The following ALDOC variants were observed in gnomAD, a reference collection of about 807,000 sequenced individuals.
ALDOC encodes fructose-bisphosphate aldolase C.
ALDOC carries 23 observed loss-of-function variants against 39.5 expected under a neutral mutation model. The ratio of observed to expected loss-of-function variants is 0.58; its 90% CI spans 0.42 to 0.82. The LOEUF is 0.82. Among genes scored for constraint, ALDOC ranks in the 40% least tolerant of loss-of-function variants. The probability of loss-of-function intolerance (pLI) is 0.00; values close to 1 mark genes in which losing one functional copy is unlikely to be tolerated. For synonymous variants in ALDOC, 160 were observed against 182.6 expected (o/e 0.88, Z 1.00); for missense variants, 356 against 479.1 (o/e 0.74, Z 2.40).
Position 28,575,059 on chromosome 17 carries a change from AC to A in ALDOC, c.325-54del. ...GAATCCAGGCAGGATTCTCCTTGCTACCCCTCCTACACAAGCTTATTTTCAC... is the reference window on the plus strand; with the variant it reads ...GAATCCAGGCAGGATTCTCCTTGCTACCCTCCTACACAAGCTTATTTTCAC... On this transcript the variant is annotated intron_variant, in intron 3 of 8. Transcript: ENST00000226253. The surrounding 1 kb of genome is among the most constrained non-coding windows in gnomAD (Gnocchi z 4.3). 1 of 1,613,904 alleles carries A rather than the reference AC, an allele frequency of 6.2e-7. No homozygotes were observed. The highest frequency in any genetic ancestry group is 1.1e-5 in the South Asian group (1 of 91,056).
chr17:28,575,674 G>A lies in ALDOC; in HGVS notation c.-12-130C>T. The A allele has an allele frequency of 8.9e-7, 1 of 1,117,902 alleles. No homozygotes were observed. The highest frequency in any genetic ancestry group is 1.2e-6 in the Non-Finnish European group (1 of 807,364). The allele number at this position is 1,117,902 out of a possible 1,614,324, so 69.2% of individuals were successfully genotyped here. A position where few individuals can be genotyped will look rare whatever the true frequency, so the allele number is the denominator to read the frequency against. The stretch of plus-strand genomic sequence containing the variant: ...CAGCAGTCCTTGGCATGAGTCCTGG[G>A]CATCAAGTGGCACCAGTCCTTCTGA... On this transcript the variant is annotated intron_variant, in intron 1 of 8. Coordinates refer to ENST00000226253, the MANE Select transcript of ALDOC (RefSeq NM_005165.3). This position sits in a 1 kb window ranked among gnomAD's most constrained non-coding sequence, Gnocchi z 4.3.
At position 28,573,367 on chromosome 17, in the gene ALDOC, G is replaced by A; in HGVS notation, c.*159C>T. The A allele has an allele frequency of 2.9e-6, 2 of 695,960 alleles. No homozygotes were observed. The highest frequency in any genetic ancestry group is 2.6e-5 in the East Asian group (1 of 38,808). 43.1% of individuals were successfully genotyped at this position (695,960 alleles called of 1,614,324 possible). On this transcript the variant is annotated 3_prime_UTR_variant, in exon 9 of 9. Coordinates refer to ENST00000226253, the MANE Select transcript of ALDOC (RefSeq NM_005165.3). The surrounding 1 kb of genome is among the most constrained non-coding windows in gnomAD (Gnocchi z 4.3). ...CCTATCCTCCCATCCTATGGTCCCA[G>A]GTGCAGCAATGAGAGAGGGGAAGGG...
intron 7 of ALDOC, 52 bp downstream of exon 7, chr17:28,574,015 G>A (rs376126698): frequency 1.2e-6 from 2 of 1,603,736 alleles, no homozygotes; most frequent in Non-Finnish European, 8.5e-7. Flanking sequence ...CCACAAGAAG[G>A]ACCTGAAGAT....
rs769124297 is a variant in ALDOC, at chr17:28,573,544, A to T, written c.1077T>A (p.Ile359=). The part of the protein sequence containing the change: ...DGGAAAQSLY[I]ANHAY ...TGGATACTCAGTAGGCATGGTTGGC[A>T]ATGTAGAGTGACTGTGCTGCTGCTC... is the stretch of plus-strand genomic sequence containing the variant. The change falls in exon 9 of 9, where the codon ATT becomes ATA. Residue 359 remains isoleucine (I), a synonymous_variant. Transcript: ENST00000226253. This position sits in a 1 kb window ranked among gnomAD's most constrained non-coding sequence, Gnocchi z 4.3. 1 of 1,614,162 alleles carries T rather than the reference A, an allele frequency of 6.2e-7. No homozygotes were observed. Among genetic ancestry groups the T allele is most frequent in the Non-Finnish European group, 8.5e-7 (1 of 1,179,996 alleles).
intron 1 of ALDOC, chr17:28,576,248 C>T (rs563045398): frequency 6.5e-6 from 1 of 152,750 alleles, no homozygotes; most frequent in African/African-American, 2.4e-5. Context: ...GTGACACCTC[C>T]GGGTCATCTC....
chr17:28,573,465 T>C lies in ALDOC; in HGVS notation c.*61A>G. 2 of 1,527,650 alleles carry C rather than the reference T, an allele frequency of 1.3e-6. No individual in the cohort carries two copies. Among genetic ancestry groups the C allele is most frequent in the Non-Finnish European group, 1.8e-6 (2 of 1,101,566 alleles). The allele number at this position is 1,527,650 out of a possible 1,614,324, so 94.6% of individuals were successfully genotyped here. On this transcript the variant is annotated 3_prime_UTR_variant, in exon 9 of 9. Transcript: ENST00000226253. The surrounding 1 kb of genome is among the most constrained non-coding windows in gnomAD (Gnocchi z 4.3). Reference sequence around the variant, plus strand: ...CTGCATAGCTATTTGGCCCTGGCCATGACTACAAGCAAAAGTGGGTGCAGA... The same window carrying C: ...CTGCATAGCTATTTGGCCCTGGCCACGACTACAAGCAAAAGTGGGTGCAGA...
At chr17:28,576,391 A>T (rs1233890158) in intron 1 of ALDOC, 2 of 152,682 alleles carry the variant, frequency 1.3e-5, no homozygotes, top group African/African-American at 4.8e-5. Context: ...TGAGAGAGAG[A>T]TGAGACTGAG....
chr17:28,574,648 C>A, intron 5 of ALDOC, 48 bp downstream of exon 5: 1 of 1,613,812 alleles, frequency 6.2e-7, no homozygotes, highest in Non-Finnish European at 8.5e-7. Flanking sequence ...ACTCTCTCCC[C>A]ACCAGGCATA....
intron 1 of ALDOC, 91 bp downstream of exon 1, chr17:28,576,710 G>A (rs997617778): frequency 1.6e-5 from 13 of 837,728 alleles, no homozygotes; most frequent in Non-Finnish European, 1.7e-5. Context: ...GGCACATCCC[G>A]GAGTCCCAGG....
chr17:28,575,462 A>G lies in ALDOC; in HGVS notation c.71T>C (p.Val24Ala), dbSNP rs2070477333. Reference sequence around the variant, plus strand: ...AGCCAGAATGCCTTTGCCCGGGGCTACAATCCGCAGGGCAATGTCAGACAA... The same window carrying G: ...AGCCAGAATGCCTTTGCCCGGGGCTGCAATCCGCAGGGCAATGTCAGACAA... ...KELSDIALRI[V>A]APGKGILAAD... Residue 24 changes from valine to alanine, a missense_variant, in exon 2 of 9, where the codon GTA becomes GCA. Transcript: ENST00000226253. This position sits in a 1 kb window ranked among gnomAD's most constrained non-coding sequence, Gnocchi z 4.3. 1 of 1,614,260 alleles carries G rather than the reference A, an allele frequency of 6.2e-7. No individual in the cohort carries two copies. The highest frequency in any genetic ancestry group is 8.5e-7 in the Non-Finnish European group (1 of 1,180,050).
In ALDOC at chr17:28,575,393, C is replaced by T. The variant is rs772022247; in HGVS notation, c.112+28G>A. ...CCCCAGGGTCCCCTAGCCACCTGTA[C>T]CCTACCTGGCTACAGATGTCCACTT... On this transcript the variant is annotated intron_variant, in intron 2 of 8. Coordinates refer to ENST00000226253, the MANE Select transcript of ALDOC (RefSeq NM_005165.3). This position sits in a 1 kb window ranked among gnomAD's most constrained non-coding sequence, Gnocchi z 4.3. 7 of 1,614,204 alleles carry T rather than the reference C, an allele frequency of 4.3e-6. No homozygotes were observed. The highest frequency in any genetic ancestry group is 5.9e-6 in the Non-Finnish European group (7 of 1,180,036).
In ALDOC at chr17:28,573,741, C is replaced by G; in HGVS notation, c.993G>C (p.Arg331=). The change falls in exon 8 of 9, where the codon CGG becomes CGC. Residue 331 remains arginine (R), a synonymous_variant. Transcript: ENST00000226253. This position sits in a 1 kb window ranked among gnomAD's most constrained non-coding sequence, Gnocchi z 4.3. ...ACCACCTGTAGCTCCCAACCTCAGC[C>G]CGCTTGATGAACTCCTCAGTGGCAG... ...AGAATEEFIK[R]AEVNGLAAQG... is the part of the protein sequence containing the mutation. 1 of 1,614,184 alleles carries G rather than the reference C, an allele frequency of 6.2e-7. No homozygotes were observed. Among genetic ancestry groups the G allele is most frequent in the Non-Finnish European group, 8.5e-7 (1 of 1,180,040 alleles).
In ALDOC at chr17:28,575,740, T is replaced by G; in HGVS notation, c.-12-196A>C. ...GGGCTCCAGTTCCCACATCTCCTTT[T>G]GTCCCTGGTAGGCATCCTTCCCAGC... On this transcript the variant is annotated intron_variant, in intron 1 of 8. Coordinates refer to ENST00000226253, the MANE Select transcript of ALDOC (RefSeq NM_005165.3). This position sits in a 1 kb window ranked among gnomAD's most constrained non-coding sequence, Gnocchi z 4.3. 2 of 739,182 alleles carry G rather than the reference T, an allele frequency of 2.7e-6. No homozygotes were observed. Among genetic ancestry groups the G allele is most frequent in the East Asian group, 3.0e-5 (1 of 33,370 alleles). 45.8% of individuals were successfully genotyped at this position (739,182 alleles called of 1,614,324 possible). A position where few individuals can be genotyped will look rare whatever the true frequency, so the allele number is the denominator to read the frequency against.
rs374582655 is a variant in ALDOC at position 28,575,408 on chromosome 17, G to T, written c.112+13C>A. 3.7e-6 allele frequency: 6 copies of T among 1,614,240 alleles called. No homozygotes were observed. Among genetic ancestry groups the T allele is most frequent in the South Asian group, 3.3e-5 (3 of 91,088 alleles). ...GCCACCTGTACCCTACCTGGCTACAGATGTCCACTTACCTACAGACTCATC... is the reference window on the plus strand; with the variant it reads ...GCCACCTGTACCCTACCTGGCTACATATGTCCACTTACCTACAGACTCATC... On this transcript the variant is annotated intron_variant, in intron 2 of 8. Coordinates refer to ENST00000226253, the MANE Select transcript of ALDOC (RefSeq NM_005165.3). The surrounding 1 kb of genome is among the most constrained non-coding windows in gnomAD (Gnocchi z 4.3).
Position 28,575,785 on chromosome 17 carries a change from TG to T in ALDOC, c.-12-242del. Reference sequence around the variant, plus strand: ...CCCAGCCCTGGGGAAAGATGCAGGGTGGGGGTGGGGAGGTGAGCAGCCCTGA... The same window carrying T: ...CCCAGCCCTGGGGAAAGATGCAGGGTGGGGTGGGGAGGTGAGCAGCCCTGA... On this transcript the variant is annotated intron_variant, in intron 1 of 8. Coordinates refer to ENST00000226253, the MANE Select transcript of ALDOC (RefSeq NM_005165.3). The surrounding 1 kb of genome is among the most constrained non-coding windows in gnomAD (Gnocchi z 4.3). The T allele has an allele frequency of 1.7e-6, 1 of 590,644 alleles. No homozygotes were observed. The highest frequency in any genetic ancestry group is 2.8e-6 in the Non-Finnish European group (1 of 363,404). 36.6% of individuals were successfully genotyped at this position (590,644 alleles called of 1,614,324 possible).
At chr17:28,574,399 A>ATC in intron 6 of ALDOC, 95 bp downstream of exon 6, 3 of 1,478,606 alleles carry the variant, frequency 2.0e-6, no homozygotes, top group Non-Finnish European at 2.8e-6. Context: ...GTGCTAGGGG[A>ATC]AAGTGTGCCT....
At position 28,575,017 on chromosome 17, in the gene ALDOC, A is replaced by G; in HGVS notation, c.325-11T>C. On this transcript the variant is annotated splice_polypyrimidine_tract_variant and intron_variant, in intron 3 of 8. Transcript: ENST00000226253. This position sits in a 1 kb window ranked among gnomAD's most constrained non-coding sequence, Gnocchi z 4.3. ...CACACCCTTGTCAACCTGTAGAGGA[A>G]GTACAAGCAGAGGGTTGAATCCAGG... The G allele has an allele frequency of 1.2e-6, 2 of 1,614,206 alleles. No homozygotes were observed. The highest frequency in any genetic ancestry group is 1.3e-5 in the African/African-American group (1 of 75,046).
In ALDOC at chr17:28,573,607, T is replaced by G. The variant is rs886811462; in HGVS notation, c.1014A>C (p.Ala338=). ...CACTGCCTTCATACTTGCCCTGGGC[T>G]GCAAGCCCATTCACCTGCAAAAGGG... is the stretch of plus-strand genomic sequence containing the variant. ...FIKRAEVNGL[A]AQGKYEGSGE... The change falls in exon 9 of 9, where the codon GCA becomes GCC. Residue 338 remains alanine, a synonymous_variant. Transcript: ENST00000226253. The surrounding 1 kb of genome is among the most constrained non-coding windows in gnomAD (Gnocchi z 4.3). 6.2e-7 allele frequency: 1 copy of G among 1,614,252 alleles called. No homozygotes were observed.
chr17:28,573,837 G>A lies in ALDOC; in HGVS notation c.897C>T (p.Thr299=). The change falls in exon 8 of 9, where the codon ACC becomes ACT. Residue 299 remains threonine, a synonymous_variant. Coordinates refer to ENST00000226253, the MANE Select transcript of ALDOC (RefSeq NM_005165.3). The surrounding 1 kb of genome is among the most constrained non-coding windows in gnomAD (Gnocchi z 4.3). ...CTTGCAGGGCACGCCCATAGGAGAA[G>A]GTAAGCGCCCAGGGTCGGGGAAGGG... ...RCPLPRPWAL[T]FSYGRALQAS... The A allele has an allele frequency of 1.9e-6, 3 of 1,614,248 alleles. No individual in the cohort carries two copies. Among genetic ancestry groups the A allele is most frequent in the Non-Finnish European group, 1.7e-6 (2 of 1,180,044 alleles).
Sources: gnomAD v4.1 joint callset for allele counts on GRCh38, gnomAD v4.1.1 for gene constraint, Gnocchi (gnomAD v3.1) non-coding constraint, MANE v1.5 for transcripts, NCBI Gene and HGNC (gene_info 2026-07-23, HGNC 2026-07-21) for gene names.